GOLGA8H: variants seen among roughly 807,000 people sequenced by gnomAD.
GOLGA8H encodes the protein golgin subfamily A member 8H.
A neutral mutation model predicts 82.7 loss-of-function variants in GOLGA8H; 47 were observed. The ratio of observed to expected loss-of-function variants is 0.57; its 90% CI spans 0.45 to 0.73. The LOEUF is 0.73. Among genes scored for constraint, GOLGA8H ranks in the 30% least tolerant of loss-of-function variants. The probability of loss-of-function intolerance (pLI) is 0.00; values close to 1 mark genes in which losing one functional copy is unlikely to be tolerated. For missense variants in GOLGA8H, 372 were observed against 661.0 expected (o/e 0.56, Z 4.79); for synonymous variants, 108 against 241.6 (o/e 0.45, Z 5.13).
intron 1 of GOLGA8H, 114 bp from the exon 2 acceptor site, chr15:30,605,729 G>T: frequency 6.6e-7 from 1 of 1,526,234 alleles, no homozygotes; most frequent in South Asian, 1.2e-5. Flanking sequence ...TTGTACGGTT[G>T]TTGGTGTCAT....
chr15:30,611,513 T>A (rs551793386), intron 13 of GOLGA8H, among the ~76,000 whole-genome samples, 167 bp downstream of exon 13: 2 of 151,546 alleles, frequency 1.3e-5, no homozygotes, highest in African/African-American at 4.9e-5. Context: ...TGCCTCTGAC[T>A]TTTAAAGGTG....
Position 30,604,133 on chromosome 15 carries a change from A to T in GOLGA8H, c.8A>T (p.Glu3Val), listed in dbSNP as rs1321264388. MA[E>V]ETQHNKLAAA... ...CTCCCTCCCCACCCTGCGATGGCAG[A>T]AGAAACTCAACACAACAAATTGGCT... The change falls in exon 1 of 19, where the codon GAA becomes GTA. Residue 3 changes from glutamate (E) to valine (V), a missense_variant. By Grantham distance (121) the Glu-to-Val change is moderately radical (BLOSUM62 -2). Coordinates refer to ENST00000566740, the MANE Select transcript of GOLGA8H (RefSeq NM_001282490.2). The T allele has an allele frequency of 2.7e-6, 4 of 1,509,430 alleles. No homozygotes were observed. Among genetic ancestry groups the T allele is most frequent in the Admixed American group, 2.0e-5 (1 of 49,406 alleles). The allele number at this position is 1,509,430 out of a possible 1,614,324, so 93.5% of individuals were successfully genotyped here.
In GOLGA8H at chr15:30,610,013, T is replaced by A; in HGVS notation, c.693T>A (p.Phe231Leu). ...CATTCTTGCAGTTGAAGGAGTCATTTCAACAAGTCCAATTAGAAAGAGATG... is the reference window on the plus strand; with the variant it reads ...CATTCTTGCAGTTGAAGGAGTCATTACAACAAGTCCAATTAGAAAGAGATG... ...KVQLTQLKES[F>L]QQVQLERDEC... The change falls in exon 10 of 19, where the codon TTT becomes TTA. Residue 231 changes from phenylalanine to leucine, a missense_variant. Phe to Leu is a conservative substitution (Grantham distance 22). Coordinates refer to ENST00000566740, the MANE Select transcript of GOLGA8H (RefSeq NM_001282490.2). 6.2e-7 allele frequency: 1 copy of A among 1,611,676 alleles called. No individual in the cohort carries two copies. The highest frequency in any genetic ancestry group is 1.3e-5 in the African/African-American group (1 of 74,754).
Position 30,613,207 on chromosome 15 carries a change from T to TCC in GOLGA8H, c.1368+16_1368+17dup, listed in dbSNP as rs565300139. 31 of 503,240 alleles carry TCC rather than the reference T, an allele frequency of 6.2e-5. 1 individual carries two copies. The East Asian group carries it at 9.4e-4, about 15-fold the overall frequency. 31.2% of individuals were successfully genotyped at this position (503,240 alleles called of 1,614,324 possible). ...GCAGGGAGGCCATGGTGAGCCTGAC[T>TCC]CCCCCTGCACCCATTTTGCCACCTT... On this transcript the variant is annotated intron_variant, in intron 15 of 18. Coordinates refer to ENST00000566740, the MANE Select transcript of GOLGA8H (RefSeq NM_001282490.2).
chr15:30,606,424 G>C (rs1229346218), intron 2 of GOLGA8H, among the ~76,000 whole-genome samples: 4 of 150,644 alleles, frequency 2.7e-5, no homozygotes, highest in East Asian at 1.9e-4. Context: ...ATATGATTTA[G>C]GGCAAGTTGC....
rs1345733315 is a variant in GOLGA8H, at chr15:30,605,618, G to C, written c.49-225G>C. 2.7e-5 allele frequency among the ~76,000 whole-genome samples: 4 copies of C among 150,432 alleles called. 1 individual carries two copies. The highest frequency in any genetic ancestry group is 7.4e-5 in the African/African-American group (3 of 40,358). ...TCTTGGCAAAACCTCAGAGCTTGGA[G>C]TCAGAAGACTGAGTTTCAAAGTTCC... On this transcript the variant is annotated intron_variant, in intron 1 of 18. Coordinates refer to ENST00000566740, the MANE Select transcript of GOLGA8H (RefSeq NM_001282490.2).
At position 30,605,915 on chromosome 15, in the gene GOLGA8H, A is replaced by G. The variant is rs781076255; in HGVS notation, c.121A>G (p.Ser41Gly). ...GAACAGGAACAGGAAAACAAATGGC[A>G]GTGTCCCTGAGAAAGCCACTTCTGG... ...GANRNRKTNGSVPEKATSGGC... is the reference protein window; with the variant it reads ...GANRNRKTNGGVPEKATSGGC... Residue 41 changes from serine to glycine, a missense_variant, in exon 2 of 19, where the codon AGT (serine) becomes GGT (glycine). Transcript: ENST00000566740. 3.8e-6 allele frequency: 6 copies of G among 1,594,276 alleles called. No homozygotes were observed. The African/African-American group carries it at 8.1e-5, about 21-fold the overall frequency.
rs2140862313 is a variant in GOLGA8H at position 30,616,453 on chromosome 15, G to A, written c.*1892G>A. Among the ~76,000 whole-genome samples the A allele has an allele frequency of 6.9e-6, 1 of 145,830 alleles. No individual in the cohort carries two copies. The highest frequency in any genetic ancestry group is 2.5e-5 in the African/African-American group (1 of 39,350). On this transcript the variant is annotated 3_prime_UTR_variant, in exon 19 of 19. Transcript: ENST00000566740. ...ATATTCGGTCCTTGTGACTTCCACT[G>A]ACTCTTCCAAATTTTATGAATGTAT... is the stretch of plus-strand genomic sequence containing the variant.
intron 2 of GOLGA8H, among the ~76,000 whole-genome samples, 188 bp from the exon 3 acceptor site, chr15:30,606,667 G>A (rs2059928650): frequency 1.3e-5 from 2 of 151,204 alleles, no homozygotes; most frequent in East Asian, 1.9e-4. Flanking sequence ...AGTCACTGAA[G>A]GGGCCCCAGG....
chr15:30,611,252 G>T (rs1300150599), intron 12 of GOLGA8H, 26 bp from the exon 13 acceptor site: 2 of 762,674 alleles, frequency 2.6e-6, no homozygotes, highest in South Asian at 3.1e-5. Context: ...GCAGTGGGTG[G>T]CTGCTGATTG....
chr15:30,610,240 G>T, intron 10 of GOLGA8H, 62 bp from the exon 11 acceptor site: 1 of 933,396 alleles, frequency 1.1e-6, no homozygotes, highest in East Asian at 2.4e-5. Context: ...GAGAGGGAGA[G>T]GGCAGCCTGT....
rs2060054073 is a variant in GOLGA8H at position 30,613,340 on chromosome 15, G to A, written c.1368+145G>A. The A allele has an allele frequency of 7.9e-6, 6 of 756,960 alleles. 2 individuals are homozygous for A. The highest frequency in any genetic ancestry group is 1.2e-5 in the Non-Finnish European group (6 of 498,064). 46.9% of individuals were successfully genotyped at this position (756,960 alleles called of 1,614,324 possible). ...CCAGTGGTCAGACTCCATTTCACCT[G>A]TGGCCAACAGGTGCACTCTCTGAGG... On this transcript the variant is annotated intron_variant, in intron 15 of 18. Coordinates refer to ENST00000566740, the MANE Select transcript of GOLGA8H (RefSeq NM_001282490.2).
intron 2 of GOLGA8H, among the ~76,000 whole-genome samples, chr15:30,606,204 C>G (rs1173835244): frequency 1.3e-5 from 2 of 151,330 alleles, no homozygotes; most frequent in Non-Finnish European, 2.9e-5. Flanking sequence ...AATACAAAAA[C>G]ATTAGCCAAG....
chr15:30,605,805 A>C (rs1348773891), intron 1 of GOLGA8H, 38 bp from the exon 2 acceptor site: 7 of 1,590,408 alleles, frequency 4.4e-6, no homozygotes, highest in Non-Finnish European at 5.1e-6. Flanking sequence ...GCAGGGGCTG[A>C]CGGTTCTCAT....
At chr15:30,608,587 G>A (rs777294753) in intron 7 of GOLGA8H, 36 bp downstream of exon 7, 18 of 1,605,276 alleles carry the variant, frequency 1.1e-5, no homozygotes, top group Non-Finnish European at 1.4e-5. Flanking sequence ...CTTCAACCTG[G>A]CACTTTGACA....
rs1257445947 is a variant in GOLGA8H at position 30,608,996 on chromosome 15, C to T, written c.591+240C>T. ...GAGCTTGGAGGCCAAATGCCTGCCCCGCCCTTACCTGGCTGTGGTCTTGAG... is the reference window on the plus strand; with the variant it reads ...GAGCTTGGAGGCCAAATGCCTGCCCTGCCCTTACCTGGCTGTGGTCTTGAG... On this transcript the variant is annotated intron_variant, in intron 8 of 18. Transcript: ENST00000566740. 9.2e-5 allele frequency among the ~76,000 whole-genome samples: 12 copies of T among 129,936 alleles called. 1 individual carries two copies. Among genetic ancestry groups the T allele is most frequent in the East Asian group, 4.0e-4 (2 of 5,060 alleles). 85.2% of individuals were successfully genotyped at this position (129,936 alleles called of 152,430 possible). A position where few individuals can be genotyped will look rare whatever the true frequency, so the allele number is the denominator to read the frequency against.
In GOLGA8H at chr15:30,605,876, G is replaced by C. The variant is rs764592904; in HGVS notation, c.82G>C (p.Val28Leu). The C allele has an allele frequency of 1.7e-5, 27 of 1,583,696 alleles. No individual in the cohort carries two copies. The highest frequency in any genetic ancestry group is 2.2e-5 in the Non-Finnish European group (26 of 1,170,890). ...KEYWQKNSPR[V>L]PAGANRNRKT... ...ATATTGGCAGAAAAACAGCCCTAGAGTTCCAGCAGGAGCGAACAGGAACAG... is the reference window on the plus strand; with the variant it reads ...ATATTGGCAGAAAAACAGCCCTAGACTTCCAGCAGGAGCGAACAGGAACAG... Residue 28 changes from valine to leucine, a missense_variant, in exon 2 of 19, where the codon GTT becomes CTT. Physicochemically the swap from Val to Leu is conservative, Grantham distance 32 (BLOSUM62 1). Transcript: ENST00000566740.
rs1023331878 is a variant in GOLGA8H at position 30,616,974 on chromosome 15, A to G, written c.*2413A>G. ...GAAGGTCAGTCTGGAAAATAAATTT[A>G]CTATATTGACTGAAATACCACTCTT... On this transcript the variant is annotated 3_prime_UTR_variant, in exon 19 of 19. Coordinates refer to ENST00000566740, the MANE Select transcript of GOLGA8H (RefSeq NM_001282490.2). 2.0e-5 allele frequency: 3 copies of G among 147,926 alleles called. No homozygotes were observed. The highest frequency in any genetic ancestry group is 7.6e-5 in the African/African-American group (3 of 39,342). 9.2% of individuals were successfully genotyped at this position (147,926 alleles called of 1,614,324 possible). A position where few individuals can be genotyped will look rare whatever the true frequency, so the allele number is the denominator to read the frequency against.
At position 30,610,541 on chromosome 15, in the gene GOLGA8H, A is replaced by G. The variant is rs1358447767; in HGVS notation, c.874+152A>G. 3.2e-4 allele frequency among the ~76,000 whole-genome samples: 47 copies of G among 148,814 alleles called. 3 individuals carry two copies. Among genetic ancestry groups the G allele is most frequent in the Admixed American group, 2.5e-3 (38 of 15,056 alleles). ...GGAGACGGCGAGTCTTGTCATCTCA[A>G]TGAGTCTCAGTGTCTCAGTGTCCCC... On this transcript the variant is annotated intron_variant, in intron 11 of 18. Transcript: ENST00000566740.
Sources: allele counts gnomAD v4.1 joint callset (sites outside exome capture counted in the v4.1 genomes callset), GRCh38; gene constraint gnomAD v4.1.1; transcripts MANE v1.5; gene names NCBI Gene and HGNC (gene_info 2026-07-23, HGNC 2026-07-21).